The following KLHL22 variants were observed in gnomAD, a reference collection of about 807,000 sequenced individuals.
The protein encoded by KLHL22 is kelch like family member 22.
In KLHL22, 18 loss-of-function variants were observed where a neutral mutation model predicts 60.7. The ratio of observed to expected loss-of-function variants is 0.30; its 90% CI spans 0.20 to 0.44. The LOEUF is 0.44. Ranked by LOEUF, KLHL22 falls within the 20% of genes least tolerant of loss-of-function variation. The pLI is 1.00. For missense variants in KLHL22, 596 were observed against 852.3 expected, an observed-to-expected ratio of 0.70 and a Z score of 3.74; for synonymous variants, 355 against 354.5, an observed-to-expected ratio of 1.00 and a Z score of -0.01.
At chr22:20,487,747 A>C (rs2053609458) in intron 2 of KLHL22, among the ~76,000 whole-genome samples, 1 of 152,192 alleles carries the variant, frequency 6.6e-6, no homozygotes, top group Admixed American at 6.5e-5. Context: ...AGGACGTGGA[A>C]AGCCACATAA....
intron 5 of KLHL22, chr22:20,450,420 G>C (rs1569123385): frequency 6.6e-7 from 1 of 1,512,078 alleles, no homozygotes; most frequent in Non-Finnish European, 9.2e-7. Flanking sequence ...GTGACATGGA[G>C]AATGTACAGG....
At chr22:20,459,565 G>A (rs1424338493) in intron 4 of KLHL22, among the ~76,000 whole-genome samples, 8 of 152,184 alleles carry the variant, frequency 5.3e-5, no homozygotes, top group African/African-American at 1.7e-4. Flanking sequence ...CATAAAAGAC[G>A]AGCATGAAAA....
intron 1 of KLHL22, among the ~76,000 whole-genome samples, chr22:20,493,623 T>C (rs1026702286): frequency 4.0e-5 from 6 of 151,244 alleles, no homozygotes; most frequent in Non-Finnish European, 8.8e-5. Context: ...CTACTAAAAA[T>C]ACAAAAAAAT....
intron 5 of KLHL22, among the ~76,000 whole-genome samples, chr22:20,455,639 C>T (rs961556408): frequency 2.6e-5 from 4 of 152,146 alleles, no homozygotes; most frequent in African/African-American, 9.7e-5. Flanking sequence ...AGGAACTAAC[C>T]CCACAAGGAA....
chr22:20,481,538 A>C (rs2146268604), intron 2 of KLHL22, among the ~76,000 whole-genome samples: 1 of 152,046 alleles, frequency 6.6e-6, no homozygotes, highest in African/African-American at 2.4e-5. Context: ...ATGCCACTGC[A>C]CTCCCGCCCG....
At chr22:20,458,488 C>G (rs1321551565) in intron 4 of KLHL22, among the ~76,000 whole-genome samples, 1 of 133,442 alleles carries the variant, frequency 7.5e-6, no homozygotes, top group African/African-American at 2.8e-5. Flanking sequence ...AAGGTCTTGA[C>G]ACCTGGGATA....
intron 5 of KLHL22, among the ~76,000 whole-genome samples, chr22:20,453,739 TTTA>T (rs1397494588): frequency 1.3e-5 from 2 of 152,156 alleles, no homozygotes; most frequent in Non-Finnish European, 1.5e-5. Context: ...TGAAATTTAT[TTTA>T]TTATTATTTT....
intron 3 of KLHL22, among the ~76,000 whole-genome samples, chr22:20,468,094 G>GAGGT (rs79310307): frequency 0.065 from 9,852 of 152,260 alleles, 812 homozygotes; most frequent in East Asian, 0.46. Context: ...TGCCCTACAT[G>GAGGT]AGGTATCCCC....
intron 2 of KLHL22, among the ~76,000 whole-genome samples, chr22:20,474,386 T>A (rs780840038): frequency 2.6e-5 from 4 of 152,052 alleles, no homozygotes; most frequent in Non-Finnish European, 5.9e-5. Context: ...TGTCTCACTT[T>A]TTTTATTTTA....
intron 5 of KLHL22, chr22:20,451,353 G>C: frequency 6.2e-7 from 1 of 1,611,806 alleles, no homozygotes; most frequent in East Asian, 2.2e-5. Flanking sequence ...TGGGAGATAT[G>C]CAGACAGCCC....
At chr22:20,463,358 T>C (rs998073791) in intron 4 of KLHL22, among the ~76,000 whole-genome samples, 2 of 152,226 alleles carry the variant, frequency 1.3e-5, no homozygotes. Context: ...AGACTCCTAC[T>C]TTAAGTGAAA....
intron 5 of KLHL22, among the ~76,000 whole-genome samples, chr22:20,454,965 TCTGCCTCCCGGGTTCACGCCATTCTC>T (rs2053039534): frequency 6.6e-6 from 1 of 152,186 alleles, no homozygotes; most frequent in Non-Finnish European, 1.5e-5. Context: ...CACTACAACC[TCTGCCTCCCGGGTTCACGCCATTCTC>T]CTGCCTCAGC....
At chr22:20,480,814 A>T (rs565007171) in intron 2 of KLHL22, among the ~76,000 whole-genome samples, 2 of 145,816 alleles carry the variant, frequency 1.4e-5, no homozygotes, top group Admixed American at 1.4e-4. Context: ...TGGCTTAATG[A>T]GTTTACGCCA....
intron 1 of KLHL22, among the ~76,000 whole-genome samples, chr22:20,494,106 G>C (rs2053733325): frequency 6.6e-6 from 1 of 151,000 alleles, no homozygotes; most frequent in Admixed American, 6.6e-5. Flanking sequence ...TGCAAAGTAG[G>C]CTGGGCATGG....
intron 1 of KLHL22, chr22:20,489,978 C>A: frequency 2.8e-6 from 1 of 359,276 alleles, no homozygotes; most frequent in Non-Finnish European, 5.6e-6. Context: ...AAACCGCAAA[C>A]TGATTTGAAT....
chr22:20,450,388 T>C, intron 5 of KLHL22: 1 of 1,457,494 alleles, frequency 6.9e-7, no homozygotes. Context: ...TATTGGACTT[T>C]GTGTACACGG....
chr22:20,475,230 A>G (rs1017701749), intron 2 of KLHL22: 1 of 150,670 alleles, frequency 6.6e-6, no homozygotes, highest in Non-Finnish European at 1.5e-5. Flanking sequence ...CAGTAGTGAG[A>G]AGGTGAAAAA....
chr22:20,467,655 GTATT>G (rs1241433691), intron 3 of KLHL22, among the ~76,000 whole-genome samples: 6 of 152,162 alleles, frequency 3.9e-5, no homozygotes, highest in African/African-American at 1.2e-4. Context: ...TGGTATTTAT[GTATT>G]TATTTATTTA....
At chr22:20,486,060 C>T (rs1255799440) in intron 2 of KLHL22, among the ~76,000 whole-genome samples, 1 of 145,114 alleles carries the variant, frequency 6.9e-6, no homozygotes, top group African/African-American at 2.6e-5. Context: ...CCCAGCTACT[C>T]GAGAGGCTGA....
Sources: gnomAD v4.1 joint callset for allele counts (sites outside exome capture counted in the v4.1 genomes callset) on GRCh38, gnomAD v4.1.1 for gene constraint, MANE v1.5 for transcripts, NCBI Gene and HGNC (gene_info 2026-07-23, HGNC 2026-07-21) for gene names.